The following ACCS variants were observed in gnomAD, a reference collection of about 807,000 sequenced individuals.
ACCS encodes 1-aminocyclopropane-1-carboxylate synthase homolog (inactive), also known as 1-aminocyclopropane-1-carboxylate synthase-like protein 1.
ACCS carries 42 observed loss-of-function variants against 59.8 expected under a neutral mutation model. That is an observed-to-expected ratio of 0.70 (90% confidence interval 0.55 to 0.91). The LOEUF (loss-of-function observed/expected upper bound fraction) is 0.91, where lower values mean the gene tolerates loss of function less well. Ranked by LOEUF, ACCS falls within the 40% of genes least tolerant of loss-of-function variation. The pLI is 0.00. For missense variants in ACCS, 602 were observed against 630.4 expected, an observed-to-expected ratio of 0.95 and a Z score of 0.48; for synonymous variants, 230 against 240.3, an observed-to-expected ratio of 0.96 and a Z score of 0.40.
chr11:44,078,754 A>G lies in ACCS; in HGVS notation c.803A>G (p.Glu268Gly), dbSNP rs1386576283. 1 of 1,613,904 alleles carries G rather than the reference A, an allele frequency of 6.2e-7. No individual in the cohort carries two copies. The highest frequency in any genetic ancestry group is 1.3e-5 in the African/African-American group (1 of 74,858). Residue 268 changes from glutamate to glycine, a missense_variant, in exon 9 of 15, where the codon GAG becomes GGG. Transcript: ENST00000263776. Reference protein sequence around the residue: ...NPLGDVYSPEELQEYLVFAKR... With the variant: ...NPLGDVYSPEGLQEYLVFAKR... ...CTGGGTGATGTATACTCCCCTGAAGAGCTACAGGAGTACCTGGTATTTGCC... is the reference window on the plus strand; with the variant it reads ...CTGGGTGATGTATACTCCCCTGAAGGGCTACAGGAGTACCTGGTATTTGCC...
At chr11:44,081,677 A>G (rs755227388) in intron 12 of ACCS, among the ~76,000 whole-genome samples, 1 of 152,210 alleles carries the variant, frequency 6.6e-6, no homozygotes, top group Non-Finnish European at 1.5e-5. Context: ...AGCACCTAAA[A>G]AACAGAGCAG....
intron 2 of ACCS, among the ~76,000 whole-genome samples, chr11:44,068,653 C>T (rs537516209): frequency 1.3e-5 from 2 of 152,214 alleles, no homozygotes; most frequent in South Asian, 2.1e-4. Context: ...ATAATAATAC[C>T]TGTTGTGTAG....
At position 44,067,712 on chromosome 11, in the gene ACCS, G is replaced by A; in HGVS notation, c.85G>A (p.Gly29Arg). 1 of 1,614,228 alleles carries A rather than the reference G, an allele frequency of 6.2e-7. No individual in the cohort carries two copies. Among genetic ancestry groups the A allele is most frequent in the Admixed American group, 1.7e-5 (1 of 60,034 alleles). ...CATGCAGGACCTGGGCAGTAGCCAT[G>A]GGGAAGATCTGGAAGGAGAATGCTC... is the stretch of plus-strand genomic sequence containing the variant. ...TCMQDLGSSH[G>R]EDLEGECSRK... Residue 29 changes from glycine (G) to arginine (R), a missense_variant, in exon 2 of 15, where the codon GGG (glycine) becomes AGG (arginine). Transcript: ENST00000263776.
intron 5 of ACCS, 93 bp downstream of exon 5, chr11:44,074,774 T>TTCTCTCTTTC: frequency 2.7e-6 from 1 of 371,910 alleles, no homozygotes; most frequent in South Asian, 9.7e-5. Context: ...CTTTCTTTCT[T>TTCTCTCTTTC]TTTCTCTCTC....
intron 3 of ACCS, among the ~76,000 whole-genome samples, chr11:44,072,772 T>A (rs1271493713): frequency 1.3e-5 from 2 of 152,182 alleles, no homozygotes; most frequent in Non-Finnish European, 2.9e-5. Context: ...TAGCCACATG[T>A]GGCCAGTGGC....
Position 44,077,464 on chromosome 11 carries a change from G to A in ACCS, c.654+88G>A, listed in dbSNP as rs183063766. On this transcript the variant is annotated intron_variant, in intron 7 of 14. Transcript: ENST00000263776. ...TGAATTTGAGGGTGGTCCATGCTGA[G>A]GGCTCTGGGGTTGTGATGAGTAGGG... is the stretch of plus-strand genomic sequence containing the variant. The A allele has an allele frequency of 1.5e-5, 23 of 1,582,134 alleles. No homozygotes were observed. In the Admixed American group the frequency reaches 2.6e-4, roughly 18 times the overall value.
At chr11:44,078,869 T>G (rs761817156) in intron 9 of ACCS, 85 bp downstream of exon 9, 6 of 1,157,364 alleles carry the variant, frequency 5.2e-6, no homozygotes, top group Non-Finnish European at 7.6e-6. Context: ...TTCTACTCTC[T>G]TGACCCCACT....
Position 44,071,212 on chromosome 11 carries a change from C to T in ACCS, c.289-44C>T, listed in dbSNP as rs757681771. ...GGGCTCCTGGGGCCTTTCACTGGCA[C>T]CCCCCTGCCATGCTAACTCTGCCTC... is the stretch of plus-strand genomic sequence containing the variant. On this transcript the variant is annotated intron_variant, in intron 2 of 14. Coordinates refer to ENST00000263776, the MANE Select transcript of ACCS (RefSeq NM_032592.4). 5.6e-6 allele frequency: 9 copies of T among 1,603,350 alleles called. No individual in the cohort carries two copies. The East Asian group carries it at 8.9e-5, about 16-fold the overall frequency.
chr11:44,069,638 G>A (rs1199671698), intron 2 of ACCS, among the ~76,000 whole-genome samples: 1 of 152,192 alleles, frequency 6.6e-6, no homozygotes, highest in Non-Finnish European at 1.5e-5. Flanking sequence ...TGGGTGGGAG[G>A]CTCTACTTCC....
chr11:44,077,884 G>T lies in ACCS; in HGVS notation c.694G>T (p.Glu232Ter), dbSNP rs757813899. The T allele has an allele frequency of 1.2e-6, 2 of 1,614,112 alleles. No individual in the cohort carries two copies. Among genetic ancestry groups the T allele is most frequent in the Non-Finnish European group, 1.7e-6 (2 of 1,180,002 alleles). The change falls in exon 8 of 15, where the codon GAG becomes TAG. Residue 232 changes from glutamate (E) to a stop codon, truncating the protein, a stop_gained. Transcript: ENST00000263776. LOFTEE classifies it high-confidence loss of function. ...CACACGCCCCTTCCAGCTCACAGTG[G>T]AGAAGCTGGAGATGGCCCTGAGAGA... The part of the protein sequence containing the change: ...LDTRPFQLTV[E>*]KLEMALREAH...
intron 4 of ACCS, 131 bp from the exon 5 acceptor site, chr11:44,074,481 A>G: frequency 1.4e-6 from 1 of 734,988 alleles, no homozygotes; most frequent in Non-Finnish European, 2.4e-6. Flanking sequence ...GGAGACAGAT[A>G]CACCCACACC....
chr11:44,069,283 G>C (rs949433500), intron 2 of ACCS, among the ~76,000 whole-genome samples: 27 of 151,668 alleles, frequency 1.8e-4, no homozygotes, highest in African/African-American at 5.6e-4. Context: ...GCAGTGGCAT[G>C]ATCTCGGATC....
intron 8 of ACCS, 59 bp downstream of exon 8, chr11:44,077,981 C>A: frequency 6.4e-7 from 1 of 1,572,734 alleles, no homozygotes; most frequent in Non-Finnish European, 8.6e-7. Context: ...AGGGTCTGGA[C>A]CCCTCTTCTT....
chr11:44,079,157 C>CA (rs1953520428), intron 9 of ACCS: 1 of 363,926 alleles, frequency 2.7e-6, no homozygotes, highest in Non-Finnish European at 5.1e-6. Flanking sequence ...ACAATCCTCA[C>CA]AACAACCCTA....
intron 2 of ACCS, among the ~76,000 whole-genome samples, chr11:44,069,424 C>T (rs190198611): frequency 1.2e-4 from 18 of 152,242 alleles, no homozygotes; most frequent in African/African-American, 3.4e-4. Flanking sequence ...GCCATGTTGG[C>T]CTGGCTGGTC....
intron 10 of ACCS, among the ~76,000 whole-genome samples, chr11:44,080,289 A>G (rs1478468501): frequency 2.0e-5 from 3 of 152,206 alleles, no homozygotes; most frequent in Non-Finnish European, 4.4e-5. Context: ...CAGGGGTTCT[A>G]ACAGTTCCGG....
chr11:44,067,599 G>A, intron 1 of ACCS, 29 bp from the exon 2 acceptor site: 1 of 1,573,786 alleles, frequency 6.4e-7, no homozygotes, highest in Non-Finnish European at 8.6e-7. Context: ...AATCCCTTGA[G>A]CAGGCCTGTG....
intron 3 of ACCS, chr11:44,072,240 C>G (rs1227510174): frequency 2.0e-5 from 3 of 151,932 alleles, no homozygotes; most frequent in Admixed American, 2.0e-4. Flanking sequence ...TCACTACAAC[C>G]CCCTCCTCCC....
chr11:44,083,484 A>C lies in ACCS; in HGVS notation c.1315A>C (p.Lys439Gln), dbSNP rs1953733557. 1.2e-6 allele frequency: 2 copies of C among 1,614,198 alleles called. No individual in the cohort carries two copies. The highest frequency in any genetic ancestry group is 1.6e-4 in the Middle Eastern group (1 of 6,062). Residue 439 changes from lysine (K) to glutamine (Q), a missense_variant, in exon 14 of 15, where the codon AAG becomes CAG. Transcript: ENST00000263776. ...MLLWRRFLDN[K>Q]VLLSFGKAFE... ...GCTCTGGCGCCGCTTTTTGGACAAC[A>C]AGGTGCTGCTGTCCTTTGGCAAGGC...
Sources: allele counts gnomAD v4.1 joint callset (sites outside exome capture counted in the v4.1 genomes callset), GRCh38; gene constraint gnomAD v4.1.1; transcripts MANE v1.5; gene names NCBI Gene and HGNC (gene_info 2026-07-23, HGNC 2026-07-21).